SLIT2: variants seen among roughly 807,000 people sequenced by gnomAD.
SLIT2 encodes the protein slit homolog 2 protein.
SLIT2 carries 41 observed loss-of-function variants against 185.7 expected under a neutral mutation model. That is an observed-to-expected ratio of 0.22 (90% confidence interval 0.17 to 0.29). SLIT2 has a LOEUF of 0.29. Among genes scored for constraint, SLIT2 ranks in the 10% least tolerant of loss-of-function variants. SLIT2 has a pLI of 1.00. For missense variants in SLIT2, 1,571 were observed against 1,909.0 expected (o/e 0.82, Z 3.30); for synonymous variants, 693 against 680.2 (o/e 1.02, Z -0.29).
rs78607109 is a variant in SLIT2 at position 20,504,983 on chromosome 4, G to A, written c.915-5512G>A. On this transcript the variant is annotated intron_variant, in intron 9 of 36. Coordinates refer to ENST00000504154, the MANE Select transcript of SLIT2 (RefSeq NM_004787.4). ...TATATAGGGTTCAGTACAATCTGTG[G>A]TTTCAGACATTCAGGGGGTCTTGGA... is the stretch of plus-strand genomic sequence containing the variant. Among the ~76,000 whole-genome samples, 1,253 of 152,076 alleles carry A rather than the reference G, an allele frequency of 8.2e-3. 39 individuals are homozygous for A. The East Asian group carries it at 0.12, about 14-fold the overall frequency.
intron 4 of SLIT2, among the ~76,000 whole-genome samples, chr4:20,314,875 C>G (rs1718429784): frequency 1.3e-5 from 2 of 151,788 alleles, no homozygotes; most frequent in Non-Finnish European, 2.9e-5. Context: ...ACTCTTTTTT[C>G]CTGCATAAAA....
At chr4:20,325,154 C>T (rs1219605633) in intron 4 of SLIT2, among the ~76,000 whole-genome samples, 2 of 151,652 alleles carry the variant, frequency 1.3e-5, no homozygotes, top group African/African-American at 4.8e-5. Flanking sequence ...CTTTTTTCTA[C>T]CCTCATCTTA....
At chr4:20,428,097 AC>A (rs2109489355) in intron 4 of SLIT2, among the ~76,000 whole-genome samples, 1 of 152,246 alleles carries the variant, frequency 6.6e-6, no homozygotes, top group South Asian at 2.1e-4. Context: ...GTAGATTTAA[AC>A]CCATGTTTGA....
chr4:20,418,483 A>G (rs927716527), intron 4 of SLIT2, among the ~76,000 whole-genome samples: 2 of 152,228 alleles, frequency 1.3e-5, no homozygotes, highest in Non-Finnish European at 2.9e-5. Context: ...AAGCCTAGTT[A>G]TACTGAGGGC....
chr4:20,427,298 A>T (rs1194594219), intron 4 of SLIT2, among the ~76,000 whole-genome samples: 2 of 152,202 alleles, frequency 1.3e-5, no homozygotes, highest in African/African-American at 4.8e-5. Context: ...TGGTATTTTT[A>T]TATAAAACAT....
intron 4 of SLIT2, among the ~76,000 whole-genome samples, chr4:20,340,343 A>G (rs1290960418): frequency 6.6e-6 from 1 of 152,120 alleles, no homozygotes; most frequent in Non-Finnish European, 1.5e-5. Context: ...AACCACAAAA[A>G]CAAAATCAAA....
At chr4:20,460,147 G>A (rs1054618676) in intron 4 of SLIT2, among the ~76,000 whole-genome samples, 2 of 151,994 alleles carry the variant, frequency 1.3e-5, no homozygotes, top group Non-Finnish European at 2.9e-5. Context: ...ACAGGCATGA[G>A]CCACTGCGCC....
chr4:20,417,090 G>C (rs1393103847), intron 4 of SLIT2, among the ~76,000 whole-genome samples: 1 of 151,688 alleles, frequency 6.6e-6, no homozygotes, highest in Non-Finnish European at 1.5e-5. Flanking sequence ...TATTGAGAAA[G>C]TTACTTGACC....
At chr4:20,317,192 T>G (rs182826579) in intron 4 of SLIT2, among the ~76,000 whole-genome samples, 2 of 152,104 alleles carry the variant, frequency 1.3e-5, no homozygotes, top group African/African-American at 4.8e-5. Flanking sequence ...TCATGAGACT[T>G]TTTCCCCACA....
At chr4:20,346,293 G>A (rs1416878563) in intron 4 of SLIT2, among the ~76,000 whole-genome samples, 2 of 152,124 alleles carry the variant, frequency 1.3e-5, no homozygotes, top group African/African-American at 4.8e-5. Context: ...ATCACTCCGG[G>A]CCACTCTTGA....
chr4:20,375,696 A>G (rs949700823), intron 4 of SLIT2, among the ~76,000 whole-genome samples: 4 of 151,922 alleles, frequency 2.6e-5, no homozygotes, highest in Admixed American at 2.6e-4. Context: ...ATATTTTAAT[A>G]TTTTTAACAA....
At chr4:20,273,302 A>C (rs1209250120) in intron 4 of SLIT2, among the ~76,000 whole-genome samples, 1 of 152,086 alleles carries the variant, frequency 6.6e-6, no homozygotes, top group Admixed American at 6.6e-5. Context: ...TTATCTCACT[A>C]CGCAGATATA....
chr4:20,499,601 T>C (rs1718528493), intron 9 of SLIT2, among the ~76,000 whole-genome samples: 1 of 152,132 alleles, frequency 6.6e-6, no homozygotes, highest in Admixed American at 6.5e-5. Context: ...GCCATTCTCC[T>C]GCTCAGCCTC....
At position 20,618,948 on chromosome 4, in the gene SLIT2, C is replaced by T. The variant is rs1487357003; in HGVS notation, c.4529C>T (p.Ser1510Phe). 2 of 1,614,054 alleles carry T rather than the reference C, an allele frequency of 1.2e-6. No individual in the cohort carries two copies. The highest frequency in any genetic ancestry group is 1.7e-5 in the Admixed American group (1 of 60,012). Residue 1510 changes from serine (S) to phenylalanine (F), a missense_variant, in exon 37 of 37, where the codon TCC becomes TTC. Ser to Phe is a radical substitution (Grantham distance 155). Transcript: ENST00000504154. Reference protein sequence around the residue: ...RKYSFECTDGSSFVDEVEKVV... With the variant: ...RKYSFECTDGFSFVDEVEKVV... ...TACTCTTTCGAATGCACTGACGGCT[C>T]CTCCTTTGTGGACGAGGTTGAGAAA...
rs1253686009 is a variant in SLIT2, at chr4:20,253,783, C to T, written c.-33C>T. The T allele has an allele frequency of 2.5e-6, 4 of 1,594,012 alleles. No individual in the cohort carries two copies. Among genetic ancestry groups the T allele is most frequent in the Non-Finnish European group, 3.4e-6 (4 of 1,177,022 alleles). On this transcript the variant is annotated 5_prime_UTR_variant, in exon 1 of 37. Coordinates refer to ENST00000504154, the MANE Select transcript of SLIT2 (RefSeq NM_004787.4). ...GGAGCAGCAAGCTAAAGAAAGCCCCCAGTGCCGGCGAGGAAGGAGGCGGCG... is the reference window on the plus strand; with the variant it reads ...GGAGCAGCAAGCTAAAGAAAGCCCCTAGTGCCGGCGAGGAAGGAGGCGGCG...
chr4:20,576,714 A>C (rs1043984771), intron 29 of SLIT2, among the ~76,000 whole-genome samples: 12 of 152,274 alleles, frequency 7.9e-5, no homozygotes, highest in African/African-American at 2.9e-4. Context: ...AAACTTTCTT[A>C]AATGCACTTT....
At chr4:20,483,330 A>C (rs547167835) in intron 6 of SLIT2, among the ~76,000 whole-genome samples, 2 of 152,166 alleles carry the variant, frequency 1.3e-5, no homozygotes, top group South Asian at 4.1e-4. Context: ...AAGGTGGATG[A>C]AAGCAAGGAA....
At chr4:20,388,835 AT>A (rs1560379210) in intron 4 of SLIT2, among the ~76,000 whole-genome samples, 1 of 145,930 alleles carries the variant, frequency 6.9e-6, no homozygotes, top group Non-Finnish European at 1.5e-5. Context: ...ATAATATATA[AT>A]ATATATAAAA....
intron 4 of SLIT2, among the ~76,000 whole-genome samples, chr4:20,437,688 G>A (rs962418769): frequency 9.2e-5 from 14 of 151,800 alleles, no homozygotes; most frequent in African/African-American, 2.4e-4. Flanking sequence ...TGAGGCGGGC[G>A]GATCACGAGG....
Sources: gnomAD v4.1 joint callset for allele counts (sites outside exome capture counted in the v4.1 genomes callset) on GRCh38, gnomAD v4.1.1 for gene constraint, MANE v1.5 for transcripts, NCBI Gene and HGNC (gene_info 2026-07-23, HGNC 2026-07-21) for gene names.